Variants in PDS5B observed in about 807,000 individuals in gnomAD.
PDS5B encodes the protein PDS5 cohesin associated factor B.
Under a neutral mutation model 184.1 loss-of-function variants are expected in PDS5B, and 51 were observed. The observed-to-expected ratio is 0.28, with a 90% confidence interval of 0.22 to 0.35. PDS5B has a LOEUF of 0.35. Among genes scored for constraint, PDS5B ranks in the 10% least tolerant of loss-of-function variants. The pLI, the probability that PDS5B is intolerant of heterozygous loss-of-function variation, is 1.00. For synonymous variants in PDS5B, 566 were observed against 569.2 expected (o/e 0.99, Z 0.08); for missense variants, 1,180 against 1,723.3 (o/e 0.68, Z 5.58).
chr13:32,705,346 T>G (rs1462332217), intron 17 of PDS5B, among the ~76,000 whole-genome samples: 1 of 152,100 alleles, frequency 6.6e-6, no homozygotes, highest in Non-Finnish European at 1.5e-5. Context: ...AGATTTGTAT[T>G]TGGAATAGTT....
rs1352123309 is a variant in PDS5B, at chr13:32,740,969, A to G, written c.2407-111A>G. ...GAAGTACTTTAGTCATATATAACAAATGTCACTGCAGAAGGTACAGATTTC... is the reference window on the plus strand; with the variant it reads ...GAAGTACTTTAGTCATATATAACAAGTGTCACTGCAGAAGGTACAGATTTC... On this transcript the variant is annotated intron_variant, in intron 21 of 34. Transcript: ENST00000315596. 4.5e-6 allele frequency: 3 copies of G among 665,734 alleles called. No homozygotes were observed. The African/African-American group carries it at 5.5e-5, about 12-fold the overall frequency. The allele number at this position is 665,734 out of a possible 1,614,324, so 41.2% of individuals were successfully genotyped here. A position where few individuals can be genotyped will look rare whatever the true frequency, so the allele number is the denominator to read the frequency against.
intron 26 of PDS5B, among the ~76,000 whole-genome samples, chr13:32,757,143 A>AT (rs1312176922): frequency 3.3e-5 from 5 of 152,110 alleles, no homozygotes; most frequent in African/African-American, 1.2e-4. Flanking sequence ...AAAAAAAAAA[A>AT]AATTAGTTCT....
intron 1 of PDS5B, among the ~76,000 whole-genome samples, chr13:32,629,604 C>G (rs1190874138): frequency 6.6e-6 from 1 of 152,184 alleles, no homozygotes; most frequent in African/African-American, 2.4e-5. Flanking sequence ...TCCTCAATAG[C>G]TCTTAGACAA....
intron 21 of PDS5B, among the ~76,000 whole-genome samples, chr13:32,736,665 A>G (rs1396869962): frequency 6.6e-6 from 1 of 152,148 alleles, no homozygotes; most frequent in Non-Finnish European, 1.5e-5. Flanking sequence ...CAAACTTTAA[A>G]TAATTTTTAG....
rs1952833892 is a variant in PDS5B, at chr13:32,724,575, TTTG to T, written c.2124-7517_2124-7515del. Among the ~76,000 whole-genome samples, 13 of 152,174 alleles carry T rather than the reference TTTG, an allele frequency of 8.5e-5. No individual in the cohort carries two copies. In the South Asian group the frequency reaches 2.5e-3, roughly 29 times the overall value. On this transcript the variant is annotated intron_variant, in intron 19 of 34. Coordinates refer to ENST00000315596, the MANE Select transcript of PDS5B (RefSeq NM_015032.4). ...TTAGACATAATTTGATAGGTTCTTC[TTTG>T]TTGTTGTTTGTTTTGATTTTTTTAA...
At chr13:32,588,135 G>T (rs1242958021) in intron 1 of PDS5B, among the ~76,000 whole-genome samples, 2 of 152,190 alleles carry the variant, frequency 1.3e-5, no homozygotes, top group East Asian at 3.8e-4. Context: ...CAGTACACAT[G>T]TCTGAGATGT....
At chr13:32,669,627 C>T (rs960167072) in intron 7 of PDS5B, among the ~76,000 whole-genome samples, 4 of 152,056 alleles carry the variant, frequency 2.6e-5, no homozygotes, top group East Asian at 1.9e-4. Context: ...GTGTTAATTT[C>T]CTGTTGTTCT....
Position 32,655,374 on chromosome 13 carries a change from A to AT in PDS5B, c.313-2842dup, listed in dbSNP as rs1228814649. ...TGTTCTTTGCCATATATATATATAT[A>AT]TTTTTTTTTTTTTTTTTTTTTTTAG... On this transcript the variant is annotated intron_variant, in intron 3 of 34. Coordinates refer to ENST00000315596, the MANE Select transcript of PDS5B (RefSeq NM_015032.4). Among the ~76,000 whole-genome samples the AT allele has an allele frequency of 2.4e-3, 175 of 72,462 alleles. 9 individuals are homozygous for AT. Among genetic ancestry groups the AT allele is most frequent in the Middle Eastern group, 6.8e-3 (1 of 148 alleles). The allele number at this position is 72,462 out of a possible 152,430, so 47.5% of individuals were successfully genotyped here.
chr13:32,735,384 T>C, intron 21 of PDS5B, 54 bp downstream of exon 21: 1 of 1,270,298 alleles, frequency 7.9e-7, no homozygotes, highest in Non-Finnish European at 1.1e-6. Flanking sequence ...TTTGCAATTT[T>C]ATCCAACAAG....
At chr13:32,719,609 G>C (rs1421934913) in intron 19 of PDS5B, among the ~76,000 whole-genome samples, 1 of 152,148 alleles carries the variant, frequency 6.6e-6, no homozygotes, top group Non-Finnish European at 1.5e-5. Context: ...CGAGGACATT[G>C]TAATAAAGAG....
At chr13:32,651,752 A>T in intron 2 of PDS5B, 52 bp from the exon 3 acceptor site, 1 of 1,073,592 alleles carries the variant, frequency 9.3e-7, no homozygotes, top group Non-Finnish European at 1.4e-6. Context: ...ATTTCACATG[A>T]CTGTAGTTTT....
intron 24 of PDS5B, among the ~76,000 whole-genome samples, chr13:32,749,277 C>T (rs542758066): frequency 6.6e-6 from 1 of 152,170 alleles, no homozygotes; most frequent in Non-Finnish European, 1.5e-5. Context: ...TTCTGCAAGT[C>T]AGTGCTCAGA....
chr13:32,664,250 A>G (rs939261565), intron 6 of PDS5B, among the ~76,000 whole-genome samples: 1 of 152,344 alleles, frequency 6.6e-6, no homozygotes, highest in South Asian at 2.1e-4. Flanking sequence ...GAACTGAAAT[A>G]TGATTGTGCA....
intron 16 of PDS5B, chr13:32,700,872 T>G (rs1439253708): frequency 6.5e-6 from 1 of 154,358 alleles, no homozygotes; most frequent in Non-Finnish European, 1.4e-5. Flanking sequence ...GAAAGATGAT[T>G]CTTGACTTCA....
intron 7 of PDS5B, among the ~76,000 whole-genome samples, chr13:32,669,713 C>T (rs1254016781): frequency 6.6e-6 from 1 of 152,160 alleles, no homozygotes; most frequent in Non-Finnish European, 1.5e-5. Context: ...AGCTGGGGAG[C>T]AGGGGCCAGA....
At chr13:32,773,088 A>G in intron 33 of PDS5B, 101 bp from the exon 34 acceptor site, 1 of 948,628 alleles carries the variant, frequency 1.1e-6, no homozygotes, top group Non-Finnish European at 1.6e-6. Flanking sequence ...AACTGAGGGT[A>G]AAGATGATAT....
rs1423823071 is a variant in PDS5B at position 32,715,135 on chromosome 13, A to G, written c.2123+5029A>G. Reference sequence around the variant, plus strand: ...CAACATAGTTAGGTCAGCGCAGTGGAAAATAATGAAGCTGGCTGACTTCTT... The same window carrying G: ...CAACATAGTTAGGTCAGCGCAGTGGGAAATAATGAAGCTGGCTGACTTCTT... On this transcript the variant is annotated intron_variant, in intron 19 of 34. Transcript: ENST00000315596. Among the ~76,000 whole-genome samples, 5 of 152,340 alleles carry G rather than the reference A, an allele frequency of 3.3e-5. No homozygotes were observed. The East Asian group carries it at 5.8e-4, about 18-fold the overall frequency.
At chr13:32,623,253 G>C (rs1435152306) in intron 1 of PDS5B, among the ~76,000 whole-genome samples, 1 of 152,130 alleles carries the variant, frequency 6.6e-6, no homozygotes, top group Non-Finnish European at 1.5e-5. Context: ...TTATCTATAA[G>C]AGCAATTGGA....
intron 11 of PDS5B, among the ~76,000 whole-genome samples, chr13:32,684,677 A>G (rs1185156696): frequency 2.6e-5 from 4 of 152,362 alleles, no homozygotes; most frequent in East Asian, 1.9e-4. Context: ...CCTGATTGCC[A>G]TAATGGCATC....
Sources: allele counts gnomAD v4.1 joint callset (sites outside exome capture counted in the v4.1 genomes callset), GRCh38; gene constraint gnomAD v4.1.1; transcripts MANE v1.5; gene names NCBI Gene and HGNC (gene_info 2026-07-23, HGNC 2026-07-21).